The following ASPM variants were observed in gnomAD, a reference collection of about 807,000 sequenced individuals.
The protein encoded by ASPM is abnormal spindle-like microcephaly-associated protein.
In ASPM, 256 loss-of-function variants were observed where a neutral mutation model predicts 366.4. The ratio of observed to expected loss-of-function variants is 0.70; its 90% CI spans 0.63 to 0.77. The LOEUF (loss-of-function observed/expected upper bound fraction) is 0.77, where lower values mean the gene tolerates loss of function less well. Ranked by LOEUF, ASPM falls within the 30% of genes least tolerant of loss-of-function variation. The pLI is 0.00. For synonymous variants in ASPM, 1,414 were observed against 1,342.9 expected (o/e 1.05, Z -1.16); for missense variants, 4,146 against 4,090.4 (o/e 1.01, Z -0.37).
chr1:197,105,913 G>A (rs1388328577), intron 17 of ASPM, among the ~76,000 whole-genome samples: 3 of 151,958 alleles, frequency 2.0e-5, no homozygotes, highest in Non-Finnish European at 4.4e-5. Context: ...TATCTAAAAT[G>A]GTCCCAGGCT....
chr1:197,145,041 G>T (rs1372375660), intron 1 of ASPM, among the ~76,000 whole-genome samples: 1 of 152,166 alleles, frequency 6.6e-6, no homozygotes, highest in African/African-American at 2.4e-5. Context: ...AAGGAAAGCA[G>T]GCAGTGATTC....
rs1300131743 is a variant in ASPM, at chr1:197,101,108, T to C, written c.8143A>G (p.Ile2715Val). Residue 2715 changes from isoleucine to valine, a missense_variant, in exon 18 of 28, where the codon ATT becomes GTT. By Grantham distance (29) the Ile-to-Val change is conservative. Transcript: ENST00000367409. ...CTATAATAATTCTGTATAACCACAA[T>C]TGCAGTTTTCTTTGTTTCATAATCA... Reference protein sequence around the residue: ...KVDYETKKTAIVVIQNYYRLY... With the variant: ...KVDYETKKTAVVVIQNYYRLY... The C allele has an allele frequency of 1.2e-6, 2 of 1,612,106 alleles. No individual in the cohort carries two copies. Among genetic ancestry groups the C allele is most frequent in the East Asian group, 2.2e-5 (1 of 44,704 alleles).
At chr1:197,127,981 C>T (rs1043925676) in intron 10 of ASPM, among the ~76,000 whole-genome samples, 3 of 151,838 alleles carry the variant, frequency 2.0e-5, no homozygotes, top group African/African-American at 7.3e-5. Context: ...CTGGCTAACA[C>T]GGTGAAACCC....
rs1658691475 is a variant in ASPM, at chr1:197,144,052, C to T, written c.346G>A (p.Gly116Ser). 1 of 1,610,208 alleles carries T rather than the reference C, an allele frequency of 6.2e-7. No homozygotes were observed. Among genetic ancestry groups the T allele is most frequent in the Non-Finnish European group, 8.5e-7 (1 of 1,176,896 alleles). ...ISVNWTPLKE[G>S]RVREIMTFLV... The stretch of plus-strand genomic sequence containing the variant: ...AATGTCATAATCTCTCTTACTCGGC[C>T]TTCTTTGAGTGGTGTCCAGTTAACA... Residue 116 changes from glycine (G) to serine (S), a missense_variant, in exon 2 of 28, where the codon GGC becomes AGC. By Grantham distance (56) the Gly-to-Ser change is moderately conservative (BLOSUM62 0). Coordinates refer to ENST00000367409, the MANE Select transcript of ASPM (RefSeq NM_018136.5).
At chr1:197,111,079 T>C (rs903573418) in intron 17 of ASPM, among the ~76,000 whole-genome samples, 8 of 151,946 alleles carry the variant, frequency 5.3e-5, no homozygotes, top group African/African-American at 1.9e-4. Flanking sequence ...AAAAACATAA[T>C]TGACAAATGG....
Position 197,108,153 on chromosome 1 carries a change from A to T in ASPM, c.4066-2968T>A, listed in dbSNP as rs574292485. On this transcript the variant is annotated intron_variant, in intron 17 of 27. Transcript: ENST00000367409. Reference sequence around the variant, plus strand: ...TCCAAACATTTAGAAAGTAAATAACATATTCTGAAACTTTAAATCATAGAA... The same window carrying T: ...TCCAAACATTTAGAAAGTAAATAACTTATTCTGAAACTTTAAATCATAGAA... 2.0e-5 allele frequency among the ~76,000 whole-genome samples: 3 copies of T among 152,270 alleles called. No homozygotes were observed. The South Asian group carries it at 6.2e-4, about 32-fold the overall frequency.
At chr1:197,097,529 T>C (rs1169041414) in intron 18 of ASPM, among the ~76,000 whole-genome samples, 1 of 151,782 alleles carries the variant, frequency 6.6e-6, no homozygotes, top group Non-Finnish European at 1.5e-5. Context: ...ATATTTAGAT[T>C]AGGTTCTAAA....
chr1:197,088,496 CA>C (rs1656670727), intron 25 of ASPM, 64 bp from the exon 26 acceptor site: 2 of 1,461,340 alleles, frequency 1.4e-6, no homozygotes, highest in Admixed American at 2.0e-5. Flanking sequence ...ACAACCCAAC[CA>C]AAAAAACAAA....
chr1:197,123,974 C>A, intron 13 of ASPM, 136 bp downstream of exon 13: 1 of 700,924 alleles, frequency 1.4e-6, no homozygotes, highest in South Asian at 1.8e-5. Flanking sequence ...ATAAAACATT[C>A]ACTCATTTGA....
At position 197,146,173 on chromosome 1, in the gene ASPM, A is replaced by T. The variant is rs767486007; in HGVS notation, c.265T>A (p.Phe89Ile). The T allele has an allele frequency of 2.5e-6, 4 of 1,614,054 alleles. No individual in the cohort carries two copies. In the Admixed American group the frequency reaches 6.7e-5, roughly 27 times the overall value. ...ISHFPAADLG[F>I]SVSQRCFVLQ... Reference sequence around the variant, plus strand: ...ACGAAACAGCGCTGCGACACACTGAAGCCCAGGTCCGCGGCCGGGAAGTGG... The same window carrying T: ...ACGAAACAGCGCTGCGACACACTGATGCCCAGGTCCGCGGCCGGGAAGTGG... The change falls in exon 1 of 28, where the codon TTC (phenylalanine) becomes ATC (isoleucine). Residue 89 changes from phenylalanine to isoleucine, a missense_variant. Phe to Ile is a conservative substitution (Grantham distance 21). This residue lies in a region of ASPM where 512 missense variants were observed against 471.7 expected (regional missense o/e 1.09). Coordinates refer to ENST00000367409, the MANE Select transcript of ASPM (RefSeq NM_018136.5).
At chr1:197,114,893 CA>C (rs1370197365) in intron 17 of ASPM, among the ~76,000 whole-genome samples, 1 of 152,054 alleles carries the variant, frequency 6.6e-6, no homozygotes, top group Non-Finnish European at 1.5e-5. Flanking sequence ...GGATTACAGG[CA>C]TGCACCCCCA....
chr1:197,133,253 C>A (rs1406561519), intron 6 of ASPM, 97 bp downstream of exon 6: 1 of 1,305,978 alleles, frequency 7.7e-7, no homozygotes, highest in African/African-American at 1.5e-5. Context: ...GCCAGTTTTA[C>A]CTGTCAATTA....
chr1:197,135,734 T>G (rs1248973439), intron 4 of ASPM, among the ~76,000 whole-genome samples: 2 of 151,616 alleles, frequency 1.3e-5, no homozygotes, highest in East Asian at 3.9e-4. Flanking sequence ...GCAGATTGCT[T>G]GAGGCCAGGG....
At chr1:197,113,386 A>G (rs1055049335) in intron 17 of ASPM, among the ~76,000 whole-genome samples, 2 of 152,190 alleles carry the variant, frequency 1.3e-5, no homozygotes, top group Non-Finnish European at 2.9e-5. Flanking sequence ...ACAAAAAAAG[A>G]ATATATAATG....
Position 197,113,503 on chromosome 1 carries a change from T to A in ASPM, c.4065+4286A>T, listed in dbSNP as rs192962636. 2.7e-4 allele frequency among the ~76,000 whole-genome samples: 41 copies of A among 152,222 alleles called. 1 individual carries two copies. The highest frequency in any genetic ancestry group is 3.4e-3 in the Middle Eastern group (1 of 294). ...TTTAAATGTCCTCTAAAACAAATCA[T>A]CTAAAAATTAGTTTTAGGTGAGATC... On this transcript the variant is annotated intron_variant, in intron 17 of 27. Transcript: ENST00000367409.
chr1:197,099,029 G>A (rs1382932141), intron 18 of ASPM, among the ~76,000 whole-genome samples: 1 of 151,428 alleles, frequency 6.6e-6, no homozygotes, highest in Non-Finnish European at 1.5e-5. Flanking sequence ...GAGTAACTCT[G>A]CTGAGTTACT....
intron 17 of ASPM, among the ~76,000 whole-genome samples, chr1:197,106,849 T>C (rs1657427583): frequency 6.6e-6 from 1 of 152,078 alleles, no homozygotes; most frequent in Non-Finnish European, 1.5e-5. Context: ...CAAATAAAAA[T>C]AATTGATCTT....
chr1:197,092,014 C>T lies in ASPM; in HGVS notation c.9337G>A (p.Ala3113Thr). The T allele has an allele frequency of 1.2e-6, 2 of 1,612,018 alleles. No individual in the cohort carries two copies. The highest frequency in any genetic ancestry group is 2.2e-5 in the South Asian group (2 of 91,026). Residue 3113 changes from alanine (A) to threonine (T), a missense_variant, in exon 22 of 28, where the codon GCA becomes ACA. By Grantham distance (58) the Ala-to-Thr change is moderately conservative (BLOSUM62 0). Around this residue, in one of 3 missense-constraint regions of ASPM, gnomAD observed 3,624 missense variants for 3,591.7 expected, o/e 1.01. Transcript: ENST00000367409. ...GCATTCAGGTGATAATATGCAGCTGCAGTGAAGTGAAGAAGTCGAATTTTG... is the reference window on the plus strand; with the variant it reads ...GCATTCAGGTGATAATATGCAGCTGTAGTGAAGTGAAGAAGTCGAATTTTG... ...RAKIRLLHFT[A>T]AAYYHLNAVR...
chr1:197,103,112 C>T lies in ASPM; in HGVS notation c.6139G>A (p.Ala2047Thr). 2.5e-6 allele frequency: 4 copies of T among 1,612,818 alleles called. No individual in the cohort carries two copies. The highest frequency in any genetic ancestry group is 8.5e-7 in the Non-Finnish European group (1 of 1,179,350). ...CTGTATTTAGACTGTATAGTGACTG[C>T]TGCTTTGTTGCAATCCTTTATTCTT... Reference protein sequence around the residue: ...RKRIKDCNKAAVTIQSKYRAY... With the variant: ...RKRIKDCNKATVTIQSKYRAY... Residue 2047 changes from alanine to threonine, a missense_variant, in exon 18 of 28, where the codon GCA becomes ACA. Ala to Thr is a moderately conservative substitution (Grantham distance 58). Around this residue, in one of 3 missense-constraint regions of ASPM, gnomAD observed 3,624 missense variants for 3,591.7 expected, o/e 1.01. Transcript: ENST00000367409.
Sources: gnomAD v4.1 joint callset for allele counts (sites outside exome capture counted in the v4.1 genomes callset) on GRCh38, gnomAD v4.1.1 for gene constraint, gnomAD v4.1.1 regional missense constraint, MANE v1.5 for transcripts, NCBI Gene and HGNC (gene_info 2026-07-23, HGNC 2026-07-21) for gene names.